PHACTR2: variants seen among roughly 807,000 people sequenced by gnomAD.
PHACTR2 encodes the protein chromosome 6 open reading frame 56.
Under a neutral mutation model 76.0 loss-of-function variants are expected in PHACTR2, and 30 were observed. That is an observed-to-expected ratio of 0.39 (90% CI 0.30 to 0.54). The LOEUF is 0.54. Ranked by LOEUF, PHACTR2 falls within the 20% of genes least tolerant of loss-of-function variation. The probability of loss-of-function intolerance (pLI) is 0.61; values close to 1 mark genes in which losing one functional copy is unlikely to be tolerated. For missense variants in PHACTR2, 696 were observed against 781.1 expected (o/e 0.89, Z 1.30); for synonymous variants, 292 against 292.5 (o/e 1.00, Z 0.02).
chr6:143,797,096 G>A (rs1419110463), intron 11 of PHACTR2, among the ~76,000 whole-genome samples: 1 of 152,138 alleles, frequency 6.6e-6, no homozygotes, highest in African/African-American at 2.4e-5. Flanking sequence ...TTGAATGATC[G>A]CCATTCTAAC....
chr6:143,552,888 G>GAAA (rs35606517), intron 1 of PHACTR2, among the ~76,000 whole-genome samples: 1 of 116,650 alleles, frequency 8.6e-6, no homozygotes, highest in African/African-American at 3.3e-5. Flanking sequence ...ATCTCAAAAA[G>GAAA]AAAAAAAAAA....
In PHACTR2 at chr6:143,742,084, G is replaced by A. The variant is rs1778957968; in HGVS notation, c.215-6901G>A. 6.6e-6 allele frequency among the ~76,000 whole-genome samples: 1 copy of A among 151,112 alleles called. No homozygotes were observed. Among genetic ancestry groups the A allele is most frequent in the South Asian group, 2.1e-4 (1 of 4,784 alleles). ...CGCGCCACTGCACTGCAGCCTGGGT[G>A]ACAAGAGTGAAACTCCATCTCAAAA... On this transcript the variant is annotated intron_variant, in intron 2 of 12. Coordinates refer to ENST00000440869, the MANE Select transcript of PHACTR2 (RefSeq NM_001100164.2). This position sits in a 1 kb window ranked among gnomAD's most constrained non-coding sequence, Gnocchi z 4.5.
intron 2 of PHACTR2, among the ~76,000 whole-genome samples, chr6:143,725,119 T>TACGCC (rs1778531017): frequency 6.6e-6 from 1 of 151,976 alleles, no homozygotes; most frequent in Admixed American, 6.6e-5. Context: ...AATTTTAATA[T>TACGCC]ACGTATAGTT....
chr6:143,627,960 C>G lies in PHACTR2; in HGVS notation c.13+19638C>G, dbSNP rs1355791324. ...AGTCATGACTATTGTCCCCCTCCCC[C>G]AGACTCTTGCAAACACCAGTCTGCT... On this transcript the variant is annotated intron_variant, in intron 1 of 11. Coordinates refer to the PHACTR2 transcript ENST00000305766. This position sits in a 1 kb window ranked among gnomAD's most constrained non-coding sequence, Gnocchi z 4.3. Among the ~76,000 whole-genome samples, 1 of 152,194 alleles carries G rather than the reference C, an allele frequency of 6.6e-6. No homozygotes were observed. Among genetic ancestry groups the G allele is most frequent in the Non-Finnish European group, 1.5e-5 (1 of 68,036 alleles).
chr6:143,612,442 A>G (rs1775993576), intron 1 of PHACTR2, among the ~76,000 whole-genome samples: 1 of 152,194 alleles, frequency 6.6e-6, no homozygotes, highest in Non-Finnish European at 1.5e-5. Flanking sequence ...AAGAATGCAT[A>G]TGTTTTGAAA....
intron 1 of PHACTR2, among the ~76,000 whole-genome samples, chr6:143,540,645 G>A (rs1025038065): frequency 1.3e-5 from 2 of 151,716 alleles, no homozygotes; most frequent in Non-Finnish European, 2.9e-5. Context: ...GACTTCAAGG[G>A]ATTTTATTTA....
At position 143,776,241 on chromosome 6, in the gene PHACTR2, A is replaced by C. The variant is rs1042995408; in HGVS notation, c.1590-1087A>C. Among the ~76,000 whole-genome samples the C allele has an allele frequency of 2.0e-5, 3 of 152,218 alleles. No individual in the cohort carries two copies. The highest frequency in any genetic ancestry group is 7.2e-5 in the African/African-American group (3 of 41,454). On this transcript the variant is annotated intron_variant, in intron 8 of 12. Coordinates refer to ENST00000440869, the MANE Select transcript of PHACTR2 (RefSeq NM_001100164.2). The surrounding 1 kb of genome is among the most constrained non-coding windows in gnomAD (Gnocchi z 5.3). Reference sequence around the variant, plus strand: ...AAAATTCCTTAACCTTACTGTGCTAAAAGTCTGGTCACAATTATTTGTGGT... The same window carrying C: ...AAAATTCCTTAACCTTACTGTGCTACAAGTCTGGTCACAATTATTTGTGGT...
rs1270799191 is a variant in PHACTR2, at chr6:143,824,689, A to C, written c.*1000A>C. ...AAAGTCAAAACTTAAGCAAGATACA[A>C]ATGTGCTGCCTGCAGTTAGTCCTGC... On this transcript the variant is annotated 3_prime_UTR_variant, in exon 13 of 13. Coordinates refer to ENST00000440869, the MANE Select transcript of PHACTR2 (RefSeq NM_001100164.2). The surrounding 1 kb of genome is among the most constrained non-coding windows in gnomAD (Gnocchi z 6.3). The C allele has an allele frequency of 6.6e-6, 1 of 152,640 alleles. No individual in the cohort carries two copies. Among genetic ancestry groups the C allele is most frequent in the Non-Finnish European group, 1.5e-5 (1 of 68,042 alleles). 9.5% of individuals were successfully genotyped at this position (152,640 alleles called of 1,614,324 possible).
intron 2 of PHACTR2, 47 bp downstream of exon 2, chr6:143,712,230 T>A: frequency 1.6e-6 from 2 of 1,251,752 alleles, no homozygotes; most frequent in African/African-American, 1.5e-5. Flanking sequence ...TTGTAAAACG[T>A]TTTAAAAGGT....
In PHACTR2 at chr6:143,796,379, TTTTCTTTCTTTCTTTC is replaced by T. The variant is rs147314577; in HGVS notation, c.1845+7493_1845+7508del. On this transcript the variant is annotated intron_variant, in intron 11 of 12. Transcript: ENST00000440869. Reference sequence around the variant, plus strand: ...CAGCAAGGTCTGCATTTTCTTTTTCTTTTCTTTCTTTCTTTCTTTCTTTCTTTCTTTCTTTCTTTGT... The same window carrying T: ...CAGCAAGGTCTGCATTTTCTTTTTCTTTTCTTTCTTTCTTTCTTTCTTTGT... Among the ~76,000 whole-genome samples the T allele has an allele frequency of 3.1e-3, 454 of 148,828 alleles. 2 individuals are homozygous for T. Among genetic ancestry groups the T allele is most frequent in the African/African-American group, 9.2e-3 (375 of 40,566 alleles).
At chr6:143,686,675 T>G (rs978027127) in intron 1 of PHACTR2, among the ~76,000 whole-genome samples, 1 of 151,890 alleles carries the variant, frequency 6.6e-6, no homozygotes. Context: ...TTAATAGAGA[T>G]GAGATTTCAT....
Position 143,776,501 on chromosome 6 carries a change from A to G in PHACTR2, c.1590-827A>G, listed in dbSNP as rs926455913. ...GCATAGCAACAACCGCATTTTAAAT[A>G]CTTAACTATTCACAGGCAGAAGTCC... is the stretch of plus-strand genomic sequence containing the variant. On this transcript the variant is annotated intron_variant, in intron 8 of 12. Coordinates refer to ENST00000440869, the MANE Select transcript of PHACTR2 (RefSeq NM_001100164.2). The surrounding 1 kb of genome is among the most constrained non-coding windows in gnomAD (Gnocchi z 5.3). Among the ~76,000 whole-genome samples, 1 of 152,218 alleles carries G rather than the reference A, an allele frequency of 6.6e-6. No homozygotes were observed. Among genetic ancestry groups the G allele is most frequent in the Non-Finnish European group, 1.5e-5 (1 of 68,046 alleles).
At chr6:143,747,452 C>T (rs1187374098) in intron 2 of PHACTR2, among the ~76,000 whole-genome samples, 1 of 152,322 alleles carries the variant, frequency 6.6e-6, no homozygotes, top group South Asian at 2.1e-4. Context: ...CCTGGAGCCC[C>T]TGAGCAAACA....
intron 12 of PHACTR2, among the ~76,000 whole-genome samples, chr6:143,813,396 G>A (rs889879471): frequency 6.6e-6 from 1 of 152,096 alleles, no homozygotes; most frequent in Non-Finnish European, 1.5e-5. Flanking sequence ...GAGGTCGGTG[G>A]ATCACGAGGT....
chr6:143,734,021 A>AT lies in PHACTR2; in HGVS notation c.215-14956dup, dbSNP rs201497557. Among the ~76,000 whole-genome samples, 432 of 151,960 alleles carry AT rather than the reference A, an allele frequency of 2.8e-3. 1 individual carries two copies. Among genetic ancestry groups the AT allele is most frequent in the African/African-American group, 9.8e-3 (404 of 41,418 alleles). ...CCCTTTTCTTCTCCCAGTAGAATGG[A>AT]TTTTTTTTCTTGGTTCAATCTTTTT... On this transcript the variant is annotated intron_variant, in intron 2 of 12. Coordinates refer to ENST00000440869, the MANE Select transcript of PHACTR2 (RefSeq NM_001100164.2).
rs370465587 is a variant in PHACTR2, at chr6:143,798,845, C to A, written c.1846-8212C>A. On this transcript the variant is annotated intron_variant, in intron 11 of 12. Transcript: ENST00000440869. Reference sequence around the variant, plus strand: ...TCATCGGGGATATTGGCCTAAAATTCTCTCTTTTTGTTGTGTCTCTGCCAG... The same window carrying A: ...TCATCGGGGATATTGGCCTAAAATTATCTCTTTTTGTTGTGTCTCTGCCAG... 1.5e-3 allele frequency among the ~76,000 whole-genome samples: 226 copies of A among 152,188 alleles called. 9 individuals carry two copies. The South Asian group carries it at 0.045, about 30-fold the overall frequency.
intron 1 of PHACTR2, among the ~76,000 whole-genome samples, chr6:143,586,971 G>A (rs1382332852): frequency 6.6e-6 from 1 of 152,160 alleles, no homozygotes; most frequent in Non-Finnish European, 1.5e-5. Flanking sequence ...TCAGTAACAT[G>A]AAATGGTTTG....
At chr6:143,758,492 T>G (rs6911389) in intron 4 of PHACTR2, among the ~76,000 whole-genome samples, 103,525 of 152,076 alleles carry the variant, frequency 0.68, 35,409 homozygotes, top group African/African-American at 0.74. Context: ...AAAATTAAAT[T>G]TTATAGGTGT....
At chr6:143,719,349 C>A (rs1265827822) in intron 2 of PHACTR2, among the ~76,000 whole-genome samples, 2 of 86,900 alleles carry the variant, frequency 2.3e-5, no homozygotes, top group Admixed American at 2.4e-4. Flanking sequence ...TTCGACACTT[C>A]TTTTTTTTTT....
Sources: allele counts gnomAD v4.1 joint callset (sites outside exome capture counted in the v4.1 genomes callset), GRCh38; gene constraint gnomAD v4.1.1; non-coding constraint Gnocchi (gnomAD v3.1); transcripts MANE v1.5; gene names NCBI Gene and HGNC (gene_info 2026-07-23, HGNC 2026-07-21).